Variants in NME7 observed in about 807,000 individuals in gnomAD.
The protein encoded by NME7 is nucleoside diphosphate kinase 7.
A neutral mutation model predicts 49.1 loss-of-function variants in NME7; 41 were observed. The observed-to-expected ratio is 0.83, with a 90% CI of 0.65 to 1.08. NME7 has a LOEUF of 1.08. Ranked by LOEUF, NME7 falls within the 50% of genes least tolerant of loss-of-function variation. The pLI is 0.00. For missense variants in NME7, 423 were observed against 463.4 expected, an observed-to-expected ratio of 0.91 and a Z score of 0.80; for synonymous variants, 139 against 150.6, an observed-to-expected ratio of 0.92 and a Z score of 0.56.
intron 6 of NME7, among the ~76,000 whole-genome samples, chr1:169,293,521 CACTCTAG>C (rs1367374917): frequency 6.6e-6 from 1 of 152,086 alleles, no homozygotes; most frequent in Admixed American, 6.6e-5. Context: ...ATCTCTTGAG[CACTCTAG>C]ACTGTTACAC....
intron 1 of NME7, among the ~76,000 whole-genome samples, chr1:169,335,368 C>T (rs908825068): frequency 6.6e-6 from 1 of 152,150 alleles, no homozygotes; most frequent in Non-Finnish European, 1.5e-5. Context: ...CCATGGAATA[C>T]TATGCAGCCA....
intron 10 of NME7, among the ~76,000 whole-genome samples, chr1:169,191,892 A>T (rs1200025848): frequency 6.6e-6 from 1 of 152,204 alleles, no homozygotes; most frequent in East Asian, 1.9e-4. Flanking sequence ...GTCACTCAGA[A>T]TGTGGTCTGT....
intron 1 of NME7, 88 bp from the exon 2 acceptor site, chr1:169,324,588 G>T (rs3213587): frequency 3.9e-6 from 3 of 769,980 alleles, no homozygotes; most frequent in Non-Finnish European, 6.5e-6. Context: ...TTACCAATAT[G>T]CAAGAAACAA....
intron 10 of NME7, among the ~76,000 whole-genome samples, chr1:169,170,682 A>G (rs1659558435): frequency 6.6e-6 from 1 of 152,186 alleles, no homozygotes; most frequent in Admixed American, 6.5e-5. Context: ...TCAGAGGTAG[A>G]GGTGAGTGAA....
At chr1:169,232,148 C>T (rs115370596) in intron 9 of NME7, among the ~76,000 whole-genome samples, 2,197 of 152,150 alleles carry the variant, frequency 0.014, 46 homozygotes, top group African/African-American at 0.048. Flanking sequence ...CCAAATACAA[C>T]GTCTAGAGAT....
chr1:169,293,026 T>C (rs1650568439), intron 6 of NME7, among the ~76,000 whole-genome samples: 1 of 152,134 alleles, frequency 6.6e-6, no homozygotes, highest in Non-Finnish European at 1.5e-5. Context: ...CTGGGCATGA[T>C]GGCTTATGCC....
chr1:169,220,148 T>C (rs10800419), intron 10 of NME7, among the ~76,000 whole-genome samples: 57,290 of 151,994 alleles, frequency 0.38, 11,508 homozygotes, highest in East Asian at 0.79. Flanking sequence ...ACTTAATACC[T>C]CTACCTGTAA....
chr1:169,352,894 G>T (rs1653230663), intron 1 of NME7, among the ~76,000 whole-genome samples: 1 of 151,772 alleles, frequency 6.6e-6, no homozygotes, highest in African/African-American at 2.4e-5. Flanking sequence ...ACAGATAAAA[G>T]AAATTGAAAA....
rs149658512 is a variant in NME7, at chr1:169,332,165, C to A, written c.4-7665G>T. 2.2e-3 allele frequency among the ~76,000 whole-genome samples: 341 copies of A among 152,102 alleles called. 2 individuals are homozygous for A. The highest frequency in any genetic ancestry group is 7.7e-3 in the African/African-American group (319 of 41,518). Reference sequence around the variant, plus strand: ...GAATAGAGAACCCAGAAAAAATCCACACACCTACAGCGAACCCATTTTCAA... The same window carrying A: ...GAATAGAGAACCCAGAAAAAATCCAAACACCTACAGCGAACCCATTTTCAA... On this transcript the variant is annotated intron_variant, in intron 1 of 11. Coordinates refer to ENST00000367811, the MANE Select transcript of NME7 (RefSeq NM_013330.5).
intron 1 of NME7, among the ~76,000 whole-genome samples, chr1:169,358,698 G>A (rs1413162944): frequency 6.6e-6 from 1 of 151,990 alleles, no homozygotes; most frequent in Non-Finnish European, 1.5e-5. Context: ...AATATTCTGA[G>A]CAAAGCAGGT....
At chr1:169,297,434 T>C (rs892542332) in intron 6 of NME7, among the ~76,000 whole-genome samples, 2 of 152,190 alleles carry the variant, frequency 1.3e-5, no homozygotes, top group African/African-American at 4.8e-5. Flanking sequence ...TTTCCCCTAA[T>C]TACCTCTGTA....
chr1:169,349,152 GA>G (rs1236400194), intron 1 of NME7, among the ~76,000 whole-genome samples: 1 of 152,018 alleles, frequency 6.6e-6, no homozygotes, highest in East Asian at 1.9e-4. Flanking sequence ...TTTTTTTAAA[GA>G]AAAGTGAGAG....
chr1:169,280,589 G>T (rs769863853), intron 7 of NME7, among the ~76,000 whole-genome samples: 23 of 147,554 alleles, frequency 1.6e-4, no homozygotes, highest in Non-Finnish European at 3.4e-4. Context: ...TATGGTCCTA[G>T]GTCTTATTAA....
At chr1:169,137,918 T>C (rs1200548518) in intron 11 of NME7, among the ~76,000 whole-genome samples, 1 of 152,240 alleles carries the variant, frequency 6.6e-6, no homozygotes, top group Non-Finnish European at 1.5e-5. Flanking sequence ...AATCTATTTA[T>C]GGTCTAATTA....
At chr1:169,310,425 T>C (rs1651338768) in intron 3 of NME7, among the ~76,000 whole-genome samples, 1 of 152,198 alleles carries the variant, frequency 6.6e-6, no homozygotes, top group African/African-American at 2.4e-5. Flanking sequence ...CTCTAAAACA[T>C]TGCATTAAAT....
At chr1:169,279,584 G>A (rs35680826) in intron 7 of NME7, among the ~76,000 whole-genome samples, 10,680 of 152,252 alleles carry the variant, frequency 0.07, 1,482 homozygotes, top group East Asian at 0.67. Flanking sequence ...TCCAGGTGCC[G>A]TCTGTCACCC....
chr1:169,147,709 C>T (rs901045759), intron 11 of NME7, among the ~76,000 whole-genome samples: 11 of 152,280 alleles, frequency 7.2e-5, no homozygotes, highest in Non-Finnish European at 1.2e-4. Context: ...GTATCAAATT[C>T]GTAACTATAT....
chr1:169,334,567 A>G (rs1652385592), intron 1 of NME7, among the ~76,000 whole-genome samples: 1 of 152,218 alleles, frequency 6.6e-6, no homozygotes, highest in Non-Finnish European at 1.5e-5. Flanking sequence ...TTAACTCAAG[A>G]TGGATTAAAG....
At position 169,298,558 on chromosome 1, in the gene NME7, T is replaced by C. The variant is rs1329570709; in HGVS notation, c.646A>G (p.Arg216Gly). The change falls in exon 6 of 12, where the codon AGA becomes GGA. Residue 216 changes from arginine to glycine, a missense_variant and splice_region_variant. Physicochemically the swap from Arg to Gly is moderately radical, Grantham distance 125. Coordinates refer to ENST00000367811, the MANE Select transcript of NME7 (RefSeq NM_013330.5). ...AAAATATTTTTAAAACACCTTACTC[T>C]GGCCGCAGAAGCAAAAGAATCAGGG... ...HGPDSFASAA[R>G]EMELFFPSSG... 5 of 1,613,612 alleles carry C rather than the reference T, an allele frequency of 3.1e-6. No homozygotes were observed. The highest frequency in any genetic ancestry group is 4.2e-6 in the Non-Finnish European group (5 of 1,179,742).
Sources: allele counts gnomAD v4.1 joint callset (sites outside exome capture counted in the v4.1 genomes callset), GRCh38; gene constraint gnomAD v4.1.1; transcripts MANE v1.5; gene names NCBI Gene and HGNC (gene_info 2026-07-23, HGNC 2026-07-21).